RECK: variants seen among roughly 807,000 people sequenced by gnomAD.
The protein encoded by RECK is reversion inducing cysteine rich protein with kazal motifs, also known as reversion-inducing cysteine-rich protein with Kazal motifs.
RECK carries 69 observed loss-of-function variants against 115.1 expected under a neutral mutation model. The observed-to-expected ratio is 0.60, with a 90% CI of 0.49 to 0.73. The LOEUF is 0.73. Among genes scored for constraint, RECK ranks in the 30% least tolerant of loss-of-function variants. RECK has a pLI of 0.00. For synonymous variants in RECK, 414 were observed against 419.7 expected, an observed-to-expected ratio of 0.99 and a Z score of 0.17; for missense variants, 1,047 against 1,203.7, an observed-to-expected ratio of 0.87 and a Z score of 1.93.
intron 10 of RECK, among the ~76,000 whole-genome samples, chr9:36,098,245 G>A (rs1031095477): frequency 2.0e-5 from 3 of 152,222 alleles, no homozygotes; most frequent in African/African-American, 7.2e-5. Flanking sequence ...TTATAAGTAT[G>A]TGAGGTAATG....
At chr9:36,112,569 T>G in intron 16 of RECK, 93 bp downstream of exon 16, 1 of 1,332,938 alleles carries the variant, frequency 7.5e-7, no homozygotes, top group Non-Finnish European at 1.0e-6. Context: ...AAAGGTAAAT[T>G]AAGAAATCGC....
At chr9:36,087,582 T>G (rs1823012398) in intron 8 of RECK, 112 bp from the exon 9 acceptor site, 2 of 1,066,380 alleles carry the variant, frequency 1.9e-6, no homozygotes, top group Admixed American at 2.3e-5. Flanking sequence ...ATGGCATGTG[T>G]ATACCTATGT....
intron 10 of RECK, among the ~76,000 whole-genome samples, chr9:36,098,654 C>T (rs1432011491): frequency 6.6e-6 from 1 of 152,102 alleles, no homozygotes; most frequent in African/African-American, 2.4e-5. Context: ...AAAGACCTGT[C>T]TAGTACCCTT....
chr9:36,082,934 T>C (rs1001031108), intron 7 of RECK, among the ~76,000 whole-genome samples: 4 of 152,336 alleles, frequency 2.6e-5, no homozygotes, highest in South Asian at 2.1e-4. Flanking sequence ...GCTTTGTGTT[T>C]ATAAACCTCT....
chr9:36,097,923 C>T (rs1191022383), intron 10 of RECK, among the ~76,000 whole-genome samples: 1 of 152,042 alleles, frequency 6.6e-6, no homozygotes, highest in Admixed American at 6.5e-5. Flanking sequence ...ATAAGCCAGG[C>T]ACAGAAAGAC....
chr9:36,083,678 TC>T, intron 8 of RECK, 116 bp downstream of exon 8: 1 of 1,104,002 alleles, frequency 9.1e-7, no homozygotes, highest in Non-Finnish European at 1.3e-6. Flanking sequence ...ATATCAGACT[TC>T]CTTTGGTATT....
rs777765100 is a variant in RECK, at chr9:36,094,579, G to T, written c.1085+3236G>T. ...GACAAATTGAAAACCACAGCAAAAT[G>T]ATAGAGACTTAAACCCAACTGTATC... On this transcript the variant is annotated intron_variant, in intron 10 of 20. Transcript: ENST00000377966. This position sits in a 1 kb window ranked among gnomAD's most constrained non-coding sequence, Gnocchi z 4.1. Among the ~76,000 whole-genome samples the T allele has an allele frequency of 5.3e-5, 8 of 152,104 alleles. No individual in the cohort carries two copies. The highest frequency in any genetic ancestry group is 8.8e-5 in the Non-Finnish European group (6 of 67,998).
In RECK at chr9:36,121,419, G is replaced by A. The variant is rs1824454036; in HGVS notation, c.2539-114G>A. ...TAGCAAAGCTGCGGTTGGGCCTTCCGCTGAGGGCTGTGCGGTCAAAAGAGC... is the reference window on the plus strand; with the variant it reads ...TAGCAAAGCTGCGGTTGGGCCTTCCACTGAGGGCTGTGCGGTCAAAAGAGC... On this transcript the variant is annotated intron_variant, in intron 19 of 20. Coordinates refer to ENST00000377966, the MANE Select transcript of RECK (RefSeq NM_021111.3). 5 of 974,350 alleles carry A rather than the reference G, an allele frequency of 5.1e-6. No individual in the cohort carries two copies. In the East Asian group the frequency reaches 7.6e-5, roughly 15 times the overall value. 60.4% of individuals were successfully genotyped at this position (974,350 alleles called of 1,614,324 possible). A position where few individuals can be genotyped will look rare whatever the true frequency, so the allele number is the denominator to read the frequency against.
At position 36,083,713 on chromosome 9, in the gene RECK, T is replaced by G. The variant is rs540154387; in HGVS notation, c.637+151T>G. The G allele has an allele frequency of 1.9e-5, 16 of 860,288 alleles. No individual in the cohort carries two copies. In the African/African-American group the frequency reaches 2.6e-4, roughly 14 times the overall value. The allele number at this position is 860,288 out of a possible 1,614,324, so 53.3% of individuals were successfully genotyped here. A position where few individuals can be genotyped will look rare whatever the true frequency, so the allele number is the denominator to read the frequency against. ...TTTAGATTTGGCAGATTGAATAATATTGTCACAGCCAAAAGGGGCCAAGAA... is the reference window on the plus strand; with the variant it reads ...TTTAGATTTGGCAGATTGAATAATAGTGTCACAGCCAAAAGGGGCCAAGAA... On this transcript the variant is annotated intron_variant, in intron 8 of 20. Transcript: ENST00000377966.
chr9:36,041,228 G>T (rs574662216), intron 1 of RECK, among the ~76,000 whole-genome samples: 1 of 152,232 alleles, frequency 6.6e-6, no homozygotes, highest in Non-Finnish European at 1.5e-5. Flanking sequence ...GAATATATTT[G>T]AGGAAAAAGC....
intron 10 of RECK, among the ~76,000 whole-genome samples, chr9:36,095,107 A>G (rs1564125819): frequency 6.6e-6 from 1 of 152,232 alleles, no homozygotes; most frequent in East Asian, 1.9e-4. Context: ...ATCACAAAGG[A>G]AATGCTTGAA....
chr9:36,098,832 T>C (rs962479888), intron 10 of RECK, among the ~76,000 whole-genome samples: 5 of 152,294 alleles, frequency 3.3e-5, no homozygotes, highest in Non-Finnish European at 4.4e-5. Flanking sequence ...GATCCAAGAA[T>C]AGGCAAATGT....
intron 13 of RECK, among the ~76,000 whole-genome samples, chr9:36,107,630 T>C (rs1344377373): frequency 6.6e-6 from 1 of 151,834 alleles, no homozygotes; most frequent in African/African-American, 2.4e-5. Flanking sequence ...AAAATACTGT[T>C]AGTTTCCCTA....
chr9:36,039,445 C>G (rs994273290), intron 1 of RECK, among the ~76,000 whole-genome samples: 1 of 152,184 alleles, frequency 6.6e-6, no homozygotes, highest in Non-Finnish European at 1.5e-5. Flanking sequence ...TCTGTCTGCT[C>G]TGGTATAAGG....
At chr9:36,080,539 T>C in intron 6 of RECK, 66 bp from the exon 7 acceptor site, 1 of 1,262,682 alleles carries the variant, frequency 7.9e-7, no homozygotes, top group East Asian at 2.4e-5. Context: ...AACCATAAAG[T>C]GGAATTAAAT....
intron 6 of RECK, among the ~76,000 whole-genome samples, chr9:36,073,044 A>G (rs1372405925): frequency 6.9e-6 from 1 of 145,616 alleles, no homozygotes; most frequent in African/African-American, 2.6e-5. Flanking sequence ...TTCATTGCTA[A>G]CCTTTTTTTT....
chr9:36,047,795 TAGAA>T (rs1821122549), intron 1 of RECK, among the ~76,000 whole-genome samples: 1 of 134,426 alleles, frequency 7.4e-6, no homozygotes, highest in Non-Finnish European at 1.6e-5. Flanking sequence ...GAAATAGTAT[TAGAA>T]AGCCAGTCTC....
At chr9:36,076,342 C>T (rs10453202) in intron 6 of RECK, among the ~76,000 whole-genome samples, 13,348 of 152,168 alleles carry the variant, frequency 0.088, 719 homozygotes, top group East Asian at 0.29. Context: ...AATTGCAGAG[C>T]GAACTTCTGG....
intron 13 of RECK, among the ~76,000 whole-genome samples, chr9:36,106,012 A>G (rs923917327): frequency 2.6e-5 from 4 of 151,894 alleles, no homozygotes; most frequent in Non-Finnish European, 5.9e-5. Context: ...AGGAGATCGA[A>G]ACCATCCTGG....
Sources: gnomAD v4.1 joint callset for allele counts (sites outside exome capture counted in the v4.1 genomes callset) on GRCh38, gnomAD v4.1.1 for gene constraint, Gnocchi (gnomAD v3.1) non-coding constraint, MANE v1.5 for transcripts, NCBI Gene and HGNC (gene_info 2026-07-23, HGNC 2026-07-21) for gene names.